The following HNRNPH1 variants were observed in gnomAD, a reference collection of about 807,000 sequenced individuals.
HNRNPH1 encodes the protein heterogeneous nuclear ribonucleoprotein H.
In HNRNPH1, 4 loss-of-function variants were observed where a neutral mutation model predicts 58.6. That is an observed-to-expected ratio of 0.07 (90% confidence interval 0.03 to 0.16). The LOEUF (loss-of-function observed/expected upper bound fraction) is 0.16. HNRNPH1 is among the 10% of genes least tolerant of loss of function. The pLI is 1.00. For missense variants in HNRNPH1, 271 were observed against 564.2 expected (o/e 0.48, Z 5.26); for synonymous variants, 192 against 189.2 (o/e 1.01, Z -0.12).
intron 10 of HNRNPH1, 169 bp from the exon 12 acceptor site, chr5:179,616,387 A>G (rs1769677684): frequency 1.6e-6 from 1 of 619,100 alleles, no homozygotes; most frequent in African/African-American, 1.8e-5. Context: ...TCTATCCATC[A>G]TTTGAGCCAG....
chr5:179,619,349 C>T (rs760495914), exon 4 of HNRNPH1: 105 of 1,613,298 alleles, frequency 6.5e-5, no homozygotes, highest in East Asian at 1.1e-4. Context: ...AGGCCTCCCC[C>T]GTACTCCTCC....
chr5:179,616,855 C>CT lies in HNRNPH1; in HGVS notation c.1207+13dup. 6.2e-7 allele frequency: 1 copy of CT among 1,608,570 alleles called. No individual in the cohort carries two copies. Among genetic ancestry groups the CT allele is most frequent in the South Asian group, 1.1e-5 (1 of 90,376 alleles). ...ATAAACGTTTTGGTTTTTAAAAAAA[C>CT]TAACGATATTTACACAAGCCCATGC... On this transcript the variant is annotated intron_variant, in intron 10 of 12. Coordinates refer to ENST00000356731, the Ensembl canonical transcript of HNRNPH1.
At chr5:179,625,981 G>A (rs1581762240), upstream of HNRNPH1, among the ~76,000 whole-genome samples, 1 of 151,420 alleles carries the variant, frequency 6.6e-6, no homozygotes, top group East Asian at 1.9e-4. Context: ...TAGCAATGGG[G>A]TCTCATTTTG....
intron 3 of HNRNPH1, 139 bp downstream of exon 4, chr5:179,620,753 T>G: frequency 1.5e-6 from 1 of 689,562 alleles, no homozygotes. Context: ...TATTTGAAGG[T>G]CTCTAGGAAG....
At position 179,632,533 on chromosome 5, in the gene HNRNPH1, T is replaced by A. The variant is rs570572313; in HGVS notation, c.-32+1532A>T. Among the ~76,000 whole-genome samples, 374 of 152,306 alleles carry A rather than the reference T, an allele frequency of 2.5e-3. 1 individual carries two copies. The highest frequency in any genetic ancestry group is 8.5e-3 in the African/African-American group (354 of 41,582). Reference sequence around the variant, plus strand: ...AAACGAATTGTGGATTCAGACACCATGAGCGGCGGAAACAAAGGCGTCCCC... The same window carrying A: ...AAACGAATTGTGGATTCAGACACCAAGAGCGGCGGAAACAAAGGCGTCCCC... On this transcript the variant is annotated intron_variant, in intron 2 of 4. Coordinates refer to the HNRNPH1 transcript ENST00000521116.
intron 2 of HNRNPH1, among the ~76,000 whole-genome samples, chr5:179,630,863 A>G (rs1220215508): frequency 2.0e-5 from 3 of 151,510 alleles, no homozygotes; most frequent in African/African-American, 7.3e-5. Context: ...GTGAGCCGAG[A>G]TCGTGCCACT....
chr5:179,617,225 A>G (rs1437374891), intron 8 of HNRNPH1, 115 bp from the exon 10 acceptor site: 2 of 1,024,176 alleles, frequency 2.0e-6, no homozygotes, highest in Non-Finnish European at 2.9e-6. Flanking sequence ...TTTGGCAAAG[A>G]AATTCTAGCT....
At chr5:179,618,890 G>C (rs982455924) in intron 4 of HNRNPH1, 2 of 161,762 alleles carry the variant, frequency 1.2e-5, no homozygotes, top group African/African-American at 2.4e-5. Context: ...GCAAGAAAAA[G>C]TTTGTTGCAT....
exon 1 of HNRNPH1, chr5:179,624,562 G>T (rs1774169177): frequency 2.5e-6 from 1 of 398,638 alleles, no homozygotes; most frequent in Non-Finnish European, 4.4e-6. Flanking sequence ...GAATTGGTAA[G>T]AGTGCGTCCA....
chr5:179,615,165 C>T (rs1388831176), intron 12 of HNRNPH1: 5 of 499,962 alleles, frequency 1.0e-5, no homozygotes, highest in South Asian at 3.3e-5. Flanking sequence ...TTGCCAGACT[C>T]TTGTGCTACC....
At chr5:179,617,327 A>G (rs553910137) in intron 8 of HNRNPH1, 187 bp downstream of exon 9, 49 of 740,400 alleles carry the variant, frequency 6.6e-5, no homozygotes, top group Non-Finnish European at 9.2e-5. Flanking sequence ...CAAGATGTGC[A>G]TATCACAAAT....
At chr5:179,616,389 T>G in intron 10 of HNRNPH1, 171 bp from the exon 12 acceptor site, 1 of 617,866 alleles carries the variant, frequency 1.6e-6, no homozygotes, top group South Asian at 1.9e-5. Context: ...TATCCATCAT[T>G]TGAGCCAGTC....
chr5:179,615,544 A>T lies in HNRNPH1; in HGVS notation c.*2T>A. 1.4e-6 allele frequency: 2 copies of T among 1,474,128 alleles called. No homozygotes were observed. Among genetic ancestry groups the T allele is most frequent in the Non-Finnish European group, 1.9e-6 (2 of 1,060,066 alleles). The allele number at this position is 1,474,128 out of a possible 1,614,324, so 91.3% of individuals were successfully genotyped here. On this transcript the variant is annotated splice_donor_variant, in intron 12 of 12. Coordinates refer to ENST00000356731, the Ensembl canonical transcript of HNRNPH1. LOFTEE classifies it low-confidence loss of function (3UTR_SPLICE). ...ATTTATATTTTTTGAGAAAATATTT[A>T]CCTATGCAATGTTTGATTGAAAATC...
At chr5:179,618,406 AAAC>A in intron 4 of HNRNPH1, 83 bp from the exon 6 acceptor site, 1 of 950,828 alleles carries the variant, frequency 1.1e-6, no homozygotes, top group Non-Finnish European at 1.6e-6. Context: ...TTATACAAGA[AAAC>A]AATCTAGTCA....
chr5:179,621,405 GAAAAC>G lies in HNRNPH1; in HGVS notation c.98-13_98-9del. 1 of 1,611,826 alleles carries G rather than the reference GAAAAC, an allele frequency of 6.2e-7. No individual in the cohort carries two copies. Among genetic ancestry groups the G allele is most frequent in the Non-Finnish European group, 8.5e-7 (1 of 1,179,278 alleles). On this transcript the variant is annotated splice_polypyrimidine_tract_variant and intron_variant, in intron 1 of 12. Transcript: ENST00000356731. The stretch of plus-strand genomic sequence containing the variant: ...CATTTTGAATTTTGCAGTCTGGAAA[GAAAAC>G]AACCGTTAATACAGAATTTAAAACC...
At chr5:179,614,785 A>AAG in exon 13 of HNRNPH1, 1 of 34,294 alleles carries the variant, frequency 2.9e-5, no homozygotes, top group South Asian at 1.7e-4. Context: ...TTTCTTAAAG[A>AAG]AAAAAAAAAA....
intron 4 of HNRNPH1, chr5:179,618,884 G>A (rs967330618): frequency 1.2e-5 from 2 of 161,518 alleles, no homozygotes; most frequent in Non-Finnish European, 2.7e-5. Context: ...TATACAGCAA[G>A]AAAAAGTTTG....
At chr5:179,615,947 G>T in intron 11 of HNRNPH1, 179 bp downstream of exon 12, 1 of 581,172 alleles carries the variant, frequency 1.7e-6, no homozygotes, top group Non-Finnish European at 3.1e-6. Flanking sequence ...CATTTGGATT[G>T]AAAGCATACA....
chr5:179,632,802 G>A (rs1215131285), intron 2 of HNRNPH1, among the ~76,000 whole-genome samples: 3 of 121,496 alleles, frequency 2.5e-5, no homozygotes, highest in Non-Finnish European at 4.8e-5. Flanking sequence ...TTGTTGCCCA[G>A]GCTCAGCTTC....
Sources: gnomAD v4.1 joint callset for allele counts (sites outside exome capture counted in the v4.1 genomes callset) on GRCh38, gnomAD v4.1.1 for gene constraint, MANE v1.5 for transcripts, NCBI Gene and HGNC (gene_info 2026-07-23, HGNC 2026-07-21) for gene names.